Variants in ITPR1 observed in about 807,000 individuals in gnomAD.
ITPR1 encodes inositol 1,4,5-trisphosphate-gated calcium channel ITPR1.
Under a neutral mutation model 318.4 loss-of-function variants are expected in ITPR1, and 96 were observed. That is an observed-to-expected ratio of 0.30 (90% CI 0.26 to 0.36). ITPR1 has a LOEUF of 0.36. Among genes scored for constraint, ITPR1 ranks in the 10% least tolerant of loss-of-function variants. ITPR1 has a pLI of 1.00. For missense variants in ITPR1, 2,440 were observed against 3,460.2 expected (o/e 0.71, Z 7.40); for synonymous variants, 1,312 against 1,289.9 (o/e 1.02, Z -0.37).
chr3:4,516,083 AT>A (rs2082150834), intron 2 of ITPR1, among the ~76,000 whole-genome samples: 1 of 152,274 alleles, frequency 6.6e-6, no homozygotes, highest in Non-Finnish European at 1.5e-5. Context: ...CCTGAAGCAA[AT>A]TGAATATGTT....
rs867419280 is a variant in ITPR1 at position 4,826,284 on chromosome 3, G to A, written c.8028+8042G>A. On this transcript the variant is annotated intron_variant, in intron 60 of 61. Coordinates refer to ENST00000649015, the MANE Select transcript of ITPR1 (RefSeq NM_001378452.1). This position sits in a 1 kb window ranked among gnomAD's most constrained non-coding sequence, Gnocchi z 4.2. ...TTGATATTTCAACATTGGTAGTGCT[G>A]AGCAGCAGCTTTCCTTGTGGCCTAA... 2.0e-5 allele frequency among the ~76,000 whole-genome samples: 3 copies of A among 152,242 alleles called. No homozygotes were observed. The highest frequency in any genetic ancestry group is 7.2e-5 in the African/African-American group (3 of 41,458).
intron 60 of ITPR1, among the ~76,000 whole-genome samples, chr3:4,831,882 T>C (rs1278131418): frequency 8.5e-5 from 13 of 152,206 alleles, no homozygotes; most frequent in Admixed American, 8.5e-4. Context: ...TGGGTTATAG[T>C]CTAAACATTT....
chr3:4,514,085 T>TA (rs761609034), intron 2 of ITPR1, among the ~76,000 whole-genome samples: 2,026 of 135,150 alleles, frequency 0.015, 34 homozygotes, highest in African/African-American at 0.046. Context: ...AGACTCTGTC[T>TA]AAAAAAAAAA....
intron 13 of ITPR1, 59 bp downstream of exon 13, chr3:4,658,337 A>G (rs2093758914): frequency 7.0e-7 from 1 of 1,425,988 alleles, no homozygotes; most frequent in African/African-American, 1.4e-5. Context: ...TGGCCTGACC[A>G]GGTTTCTTGG....
rs191314064 is a variant in ITPR1 at position 4,779,790 on chromosome 3, T to C, written c.6387+145T>C. ...GGAACATTGAATTCAGGCCTCTGAC[T>C]GAGTAGAGAAGTGAAATATTTTGGT... On this transcript the variant is annotated intron_variant, in intron 49 of 61. Coordinates refer to ENST00000649015, the MANE Select transcript of ITPR1 (RefSeq NM_001378452.1). The surrounding 1 kb of genome is among the most constrained non-coding windows in gnomAD (Gnocchi z 4.0). 1.4e-4 allele frequency: 71 copies of C among 502,846 alleles called. No individual in the cohort carries two copies. The highest frequency in any genetic ancestry group is 1.3e-3 in the African/African-American group (69 of 52,054). 31.1% of individuals were successfully genotyped at this position (502,846 alleles called of 1,614,324 possible). A position where few individuals can be genotyped will look rare whatever the true frequency, so the allele number is the denominator to read the frequency against.
intron 4 of ITPR1, among the ~76,000 whole-genome samples, chr3:4,566,041 G>C (rs1174693617): frequency 6.6e-6 from 1 of 152,104 alleles, no homozygotes; most frequent in Non-Finnish European, 1.5e-5. Context: ...TGATTTTCCT[G>C]GTAGCCAAAT....
chr3:4,600,175 T>A (rs1203446605), intron 4 of ITPR1, among the ~76,000 whole-genome samples: 4 of 152,252 alleles, frequency 2.6e-5, no homozygotes, highest in African/African-American at 7.2e-5. Flanking sequence ...TTGTCTTTTT[T>A]AAAAATTTTA....
At position 4,766,557 on chromosome 3, in the gene ITPR1, G is replaced by A. The variant is rs368582066; in HGVS notation, c.5572G>A (p.Asp1858Asn). ...CTCCTTTTTCTGTCGCTTGACAGAAGATAAGAAGTCAGAGAAATTCTTTAA... is the reference window on the plus strand; with the variant it reads ...CTCCTTTTTCTGTCGCTTGACAGAAAATAAGAAGTCAGAGAAATTCTTTAA... ...QHSFFCRLTEDKKSEKFFKVF... is the reference protein window; with the variant it reads ...QHSFFCRLTENKKSEKFFKVF... Residue 1858 changes from aspartate to asparagine, a missense_variant, in exon 45 of 62, where the codon GAT (aspartate) becomes AAT (asparagine). Physicochemically the swap from Asp to Asn is conservative, Grantham distance 23. Around this residue, in one of 23 missense-constraint regions of ITPR1, gnomAD observed 80 missense variants for 122.0 expected, o/e 0.66. Transcript: ENST00000649015. 1 of 1,613,800 alleles carries A rather than the reference G, an allele frequency of 6.2e-7. No individual in the cohort carries two copies. The highest frequency in any genetic ancestry group is 1.7e-4 in the Middle Eastern group (1 of 6,060).
intron 40 of ITPR1, among the ~76,000 whole-genome samples, chr3:4,718,700 C>G (rs2041939289): frequency 6.6e-6 from 1 of 152,124 alleles, no homozygotes; most frequent in African/African-American, 2.4e-5. Context: ...TAGACGGGAG[C>G]AGGTGAGAGG....
intron 42 of ITPR1, 49 bp from the exon 43 acceptor site, chr3:4,733,039 G>A (rs1432641568): frequency 2.5e-6 from 4 of 1,582,402 alleles, no homozygotes; most frequent in African/African-American, 2.7e-5. Flanking sequence ...TCGTCCCTCG[G>A]TGATGCATTA....
At chr3:4,708,979 T>C (rs936200154) in intron 37 of ITPR1, among the ~76,000 whole-genome samples, 1 of 152,228 alleles carries the variant, frequency 6.6e-6, no homozygotes, top group Non-Finnish European at 1.5e-5. Context: ...TGCAAATCAA[T>C]TGCAATGTAA....
chr3:4,735,344 C>T lies in ITPR1; in HGVS notation c.5534C>T (p.Thr1845Ile). The change falls in exon 44 of 62, where the codon ACC becomes ATC. Residue 1845 changes from threonine to isoleucine, a missense_variant. Thr to Ile is a moderately conservative substitution (Grantham distance 89). Coordinates refer to ENST00000649015, the MANE Select transcript of ITPR1 (RefSeq NM_001378452.1). Reference sequence around the variant, plus strand: ...ATTGCCCTTCTGGAAGGAGGCAACACCACCATCCAGGTAGGAAGGCAGCTT... The same window carrying T: ...ATTGCCCTTCTGGAAGGAGGCAACATCACCATCCAGGTAGGAAGGCAGCTT... ...LAIALLEGGNTTIQHSFFCRL... is the reference protein window; with the variant it reads ...LAIALLEGGNITIQHSFFCRL... 3.7e-6 allele frequency: 6 copies of T among 1,613,592 alleles called. No homozygotes were observed. Among genetic ancestry groups the T allele is most frequent in the Middle Eastern group, 1.7e-4 (1 of 6,018 alleles).
At chr3:4,747,212 C>T (rs564575420) in intron 44 of ITPR1, among the ~76,000 whole-genome samples, 5 of 152,272 alleles carry the variant, frequency 3.3e-5, no homozygotes, top group South Asian at 4.1e-4. Flanking sequence ...TCATGTACCA[C>T]GGGCTAGCCA....
intron 4 of ITPR1, among the ~76,000 whole-genome samples, chr3:4,530,183 G>T (rs2083298117): frequency 6.6e-6 from 1 of 152,186 alleles, no homozygotes; most frequent in Non-Finnish European, 1.5e-5. Context: ...ACAATCTTGA[G>T]TATAGTATTT....
At chr3:4,600,220 T>C (rs2091165598) in intron 4 of ITPR1, among the ~76,000 whole-genome samples, 1 of 152,248 alleles carries the variant, frequency 6.6e-6, no homozygotes, top group South Asian at 2.1e-4. Flanking sequence ...TACCACAGTT[T>C]CCACTCAAGG....
At chr3:4,763,521 C>A (rs2045599930) in intron 44 of ITPR1, among the ~76,000 whole-genome samples, 1 of 152,236 alleles carries the variant, frequency 6.6e-6, no homozygotes. Flanking sequence ...TGGGACTCCT[C>A]TGAATCCTCA....
Position 4,595,641 on chromosome 3 carries a change from T to C in ITPR1, c.164-32122T>C, listed in dbSNP as rs139677145. Among the ~76,000 whole-genome samples, 457 of 152,194 alleles carry C rather than the reference T, an allele frequency of 3.0e-3. 4 individuals carry two copies. Among genetic ancestry groups the C allele is most frequent in the African/African-American group, 0.011 (442 of 41,508 alleles). On this transcript the variant is annotated intron_variant, in intron 4 of 61. Transcript: ENST00000649015. ...GAGCTGGGGTGTCGGCTTAGAGATGTTTTTAAGAGCAGAGAGTGAACAGGC... is the reference window on the plus strand; with the variant it reads ...GAGCTGGGGTGTCGGCTTAGAGATGCTTTTAAGAGCAGAGAGTGAACAGGC...
rs1198197461 is a variant in ITPR1 at position 4,700,004 on chromosome 3, T to C, written c.4536+63T>C. On this transcript the variant is annotated intron_variant, in intron 35 of 61. Transcript: ENST00000649015. ...ACACCTTCTGCAGTTGGGCTTGATG[T>C]GAATTTGGGAGTAAGCAATTGTAAA... 50 of 1,502,122 alleles carry C rather than the reference T, an allele frequency of 3.3e-5. 1 individual carries two copies. The highest frequency in any genetic ancestry group is 4.5e-5 in the Non-Finnish European group (49 of 1,087,640). The allele number at this position is 1,502,122 out of a possible 1,614,324, so 93.0% of individuals were successfully genotyped here. A position where few individuals can be genotyped will look rare whatever the true frequency, so the allele number is the denominator to read the frequency against.
At chr3:4,684,134 G>A (rs1473971088) in intron 28 of ITPR1, 147 bp from the exon 29 acceptor site, 2 of 650,796 alleles carry the variant, frequency 3.1e-6, no homozygotes, top group Non-Finnish European at 5.5e-6. Flanking sequence ...ATAGCAAGTA[G>A]GTAGATGACT....
Sources: gnomAD v4.1 joint callset for allele counts (sites outside exome capture counted in the v4.1 genomes callset) on GRCh38, gnomAD v4.1.1 for gene constraint, gnomAD v4.1.1 regional missense constraint, Gnocchi (gnomAD v3.1) non-coding constraint, MANE v1.5 for transcripts, NCBI Gene and HGNC (gene_info 2026-07-23, HGNC 2026-07-21) for gene names.